UTRN: variants seen among roughly 807,000 people sequenced by gnomAD.
UTRN encodes dystrophin-related protein 1.
UTRN carries 283 observed loss-of-function variants against 463.9 expected under a neutral mutation model. The observed-to-expected ratio is 0.61, with a 90% CI of 0.55 to 0.67. The LOEUF is 0.67. Ranked by LOEUF, UTRN falls within the 30% of genes least tolerant of loss-of-function variation. The probability of loss-of-function intolerance (pLI) is 0.00; values close to 1 mark genes in which losing one functional copy is unlikely to be tolerated. For synonymous variants in UTRN, 1,442 were observed against 1,431.5 expected, an observed-to-expected ratio of 1.01 and a Z score of -0.17; for missense variants, 3,922 against 4,084.3, an observed-to-expected ratio of 0.96 and a Z score of 1.08.
intron 2 of UTRN, among the ~76,000 whole-genome samples, chr6:144,326,815 T>G (rs1406106007): frequency 6.6e-6 from 1 of 152,104 alleles, no homozygotes; most frequent in Non-Finnish European, 1.5e-5. Context: ...GGCCAACCAG[T>G]CCAGTTATTT....
intron 65 of UTRN, among the ~76,000 whole-genome samples, chr6:144,811,142 A>G (rs1338013032): frequency 6.6e-6 from 1 of 152,162 alleles, no homozygotes; most frequent in African/African-American, 2.4e-5. Context: ...ATTGGCAAAA[A>G]TAAAACACAC....
At chr6:144,805,200 A>G (rs2128748024) in intron 65 of UTRN, among the ~76,000 whole-genome samples, 1 of 152,272 alleles carries the variant, frequency 6.6e-6, no homozygotes, top group East Asian at 1.9e-4. Flanking sequence ...CAGTAATTTC[A>G]GCTCTGATAG....
At chr6:144,406,374 T>C (rs1405467719) in intron 3 of UTRN, among the ~76,000 whole-genome samples, 9 of 103,308 alleles carry the variant, frequency 8.7e-5, no homozygotes. Flanking sequence ...TTTTTTTTTT[T>C]TTTGAGACAC....
intron 56 of UTRN, among the ~76,000 whole-genome samples, chr6:144,753,806 G>T (rs961728638): frequency 1.4e-5 from 2 of 146,412 alleles, no homozygotes; most frequent in African/African-American, 5.1e-5. Flanking sequence ...GGTCGAGGCT[G>T]CAGTAAGCCA....
At position 144,489,141 on chromosome 6, in the gene UTRN, C is replaced by T. The variant is rs540918736; in HGVS notation, c.4134+307C>T. ...CTTGGCTCACTGCAACCTCCGCCTC[C>T]TGGGTTCAAGTGACTCTCCTGCCTC... On this transcript the variant is annotated intron_variant, in intron 30 of 74. Transcript: ENST00000367545. 3.1e-3 allele frequency among the ~76,000 whole-genome samples: 469 copies of T among 152,050 alleles called. 2 individuals carry two copies. The highest frequency in any genetic ancestry group is 5.6e-3 in the Non-Finnish European group (378 of 67,950).
chr6:144,341,710 G>A (rs919163540), intron 2 of UTRN, among the ~76,000 whole-genome samples: 1 of 152,144 alleles, frequency 6.6e-6, no homozygotes, highest in Admixed American at 6.5e-5. Context: ...ATAAAGACAG[G>A]TGGAAAGAAC....
chr6:144,530,731 T>C (rs1796972773), intron 41 of UTRN, among the ~76,000 whole-genome samples: 1 of 152,036 alleles, frequency 6.6e-6, no homozygotes, highest in Admixed American at 6.6e-5. Flanking sequence ...CTCGAGTGTG[T>C]GTGTGAGTGT....
intron 44 of UTRN, among the ~76,000 whole-genome samples, chr6:144,538,136 C>T (rs1797690107): frequency 1.3e-5 from 2 of 152,038 alleles, no homozygotes; most frequent in African/African-American, 2.4e-5. Context: ...CAAAATGCAG[C>T]TTGCAATAGG....
At chr6:144,776,282 G>A (rs565272202) in intron 60 of UTRN, among the ~76,000 whole-genome samples, 1 of 152,066 alleles carries the variant, frequency 6.6e-6, no homozygotes, top group East Asian at 1.9e-4. Flanking sequence ...TTTTTTCCCA[G>A]TAGTTTATGA....
chr6:144,554,007 A>C (rs1338397742), intron 48 of UTRN, among the ~76,000 whole-genome samples: 1 of 152,128 alleles, frequency 6.6e-6, no homozygotes, highest in Non-Finnish European at 1.5e-5. Flanking sequence ...GCTTGAGGAG[A>C]AATAGAAAGA....
Position 144,839,289 on chromosome 6 carries a change from G to A in UTRN, c.10177+5G>A. On this transcript the variant is annotated splice_donor_5th_base_variant and intron_variant, in intron 72 of 74. Coordinates refer to ENST00000367545, the MANE Select transcript of UTRN (RefSeq NM_007124.3). ...GCCCACAGTTCCACCAGGCAGGTCG[G>A]TGTCCCCAGCACACAGCTCCTCTGC... 6.2e-7 allele frequency: 1 copy of A among 1,611,032 alleles called. No individual in the cohort carries two copies. Among genetic ancestry groups the A allele is most frequent in the Non-Finnish European group, 8.5e-7 (1 of 1,178,060 alleles).
chr6:144,449,636 G>C (rs1330340516), intron 17 of UTRN, among the ~76,000 whole-genome samples: 1 of 152,172 alleles, frequency 6.6e-6, no homozygotes, highest in Non-Finnish European at 1.5e-5. Context: ...TATTTATCTA[G>C]AGCATCACAA....
chr6:144,543,022 T>G, intron 46 of UTRN, 152 bp downstream of exon 46: 1 of 716,110 alleles, frequency 1.4e-6, no homozygotes, highest in Non-Finnish European at 2.2e-6. Flanking sequence ...GAACATCTTC[T>G]TTAAACCCAA....
At chr6:144,574,283 T>C (rs1481482265) in intron 50 of UTRN, among the ~76,000 whole-genome samples, 3 of 152,094 alleles carry the variant, frequency 2.0e-5, no homozygotes, top group African/African-American at 7.2e-5. Context: ...AGTGCTAGGA[T>C]GAGGTTGATG....
chr6:144,748,152 G>T, intron 54 of UTRN, 94 bp from the exon 55 acceptor site: 2 of 1,436,322 alleles, frequency 1.4e-6, no homozygotes, highest in Non-Finnish European at 1.8e-6. Flanking sequence ...CTTTTTCTCC[G>T]TATTTCTCAG....
At chr6:144,744,952 C>A (rs544482137) in intron 54 of UTRN, among the ~76,000 whole-genome samples, 10 of 152,302 alleles carry the variant, frequency 6.6e-5, no homozygotes, top group Middle Eastern at 6.8e-3. Context: ...AGCCACATTC[C>A]ATCCTGACAA....
intron 2 of UTRN, among the ~76,000 whole-genome samples, chr6:144,325,096 C>T (rs12178630): frequency 0.057 from 8,742 of 152,178 alleles, 852 homozygotes; most frequent in African/African-American, 0.2. Flanking sequence ...CATGGCAAGG[C>T]TCTGAATAGA....
At chr6:144,598,005 G>T (rs1214094008) in intron 51 of UTRN, among the ~76,000 whole-genome samples, 1 of 152,104 alleles carries the variant, frequency 6.6e-6, no homozygotes, top group Non-Finnish European at 1.5e-5. Context: ...GAAACATAGG[G>T]TTGTTCCTTA....
At chr6:144,685,554 G>A (rs192266236) in intron 52 of UTRN, among the ~76,000 whole-genome samples, 20 of 152,144 alleles carry the variant, frequency 1.3e-4, no homozygotes, top group Admixed American at 8.5e-4. Flanking sequence ...AATAATGGCC[G>A]TTCTGGTCAG....
Sources: allele counts gnomAD v4.1 joint callset (sites outside exome capture counted in the v4.1 genomes callset), GRCh38; gene constraint gnomAD v4.1.1; transcripts MANE v1.5; gene names NCBI Gene and HGNC (gene_info 2026-07-23, HGNC 2026-07-21).